The following GRK5 variants were observed in gnomAD, a reference collection of about 807,000 sequenced individuals.
GRK5 encodes g protein-coupled receptor kinase GRK5.
A neutral mutation model predicts 78.4 loss-of-function variants in GRK5; 40 were observed. The observed-to-expected ratio is 0.51, with a 90% CI of 0.40 to 0.66. GRK5 has a LOEUF of 0.66. Ranked by LOEUF, GRK5 falls within the 30% of genes least tolerant of loss-of-function variation. GRK5 has a pLI of 0.00. For synonymous variants in GRK5, 289 were observed against 296.8 expected (o/e 0.97, Z 0.27); for missense variants, 598 against 759.9 (o/e 0.79, Z 2.50).
At chr10:119,423,306 C>T in intron 5 of GRK5, 40 bp downstream of exon 5, 1 of 1,422,152 alleles carries the variant, frequency 7.0e-7, no homozygotes. Context: ...CCCCGGGCTG[C>T]CCAGAGATGG....
rs117002011 is a variant in GRK5 at position 119,351,607 on chromosome 10, C to T, written c.148+24996C>T. Among the ~76,000 whole-genome samples, 1,156 of 152,216 alleles carry T rather than the reference C, an allele frequency of 7.6e-3. 11 individuals are homozygous for T. The highest frequency in any genetic ancestry group is 0.012 in the Non-Finnish European group (806 of 68,022). ...TTTTTCCTTATAAATTACCCAGTCT[C>T]GGGTATGTCTTTATCAAGCAGAGTG... On this transcript the variant is annotated intron_variant, in intron 2 of 15. Coordinates refer to ENST00000392870, the MANE Select transcript of GRK5 (RefSeq NM_005308.3).
intron 4 of GRK5, among the ~76,000 whole-genome samples, chr10:119,411,920 G>A (rs998995286): frequency 3.5e-5 from 5 of 143,238 alleles, no homozygotes; most frequent in South Asian, 2.3e-4. Flanking sequence ...GTGCGATCTC[G>A]GCTCACAGCA....
intron 2 of GRK5, among the ~76,000 whole-genome samples, chr10:119,354,263 C>T (rs1851230198): frequency 1.3e-5 from 2 of 151,906 alleles, no homozygotes; most frequent in South Asian, 4.1e-4. Context: ...GTTAAGAGTA[C>T]CTAAAATCTA....
At chr10:119,281,570 C>G (rs1849762944) in intron 1 of GRK5, among the ~76,000 whole-genome samples, 1 of 152,190 alleles carries the variant, frequency 6.6e-6, no homozygotes, top group African/African-American at 2.4e-5. Flanking sequence ...TGTAATCAGC[C>G]TCTCCTGTGG....
chr10:119,221,429 G>A (rs1234765320), intron 1 of GRK5, among the ~76,000 whole-genome samples: 1 of 152,164 alleles, frequency 6.6e-6, no homozygotes, highest in East Asian at 1.9e-4. Flanking sequence ...ATGGATGGGT[G>A]TCAGGAAAAA....
intron 1 of GRK5, among the ~76,000 whole-genome samples, chr10:119,300,973 G>T (rs1365406624): frequency 6.6e-6 from 1 of 152,018 alleles, no homozygotes; most frequent in Non-Finnish European, 1.5e-5. Flanking sequence ...GCATGATGGC[G>T]GGCGCCTGTA....
At chr10:119,411,825 T>TCATTGCAG (rs1478407695) in intron 4 of GRK5, among the ~76,000 whole-genome samples, 1 of 146,604 alleles carries the variant, frequency 6.8e-6, no homozygotes, top group Non-Finnish European at 1.5e-5. Flanking sequence ...CTCCTCAGCT[T>TCATTGCAG]CATTGCAGAT....
In GRK5 at chr10:119,238,066, C is replaced by T. The variant is rs1359069940; in HGVS notation, c.52+30097C>T. On this transcript the variant is annotated intron_variant, in intron 1 of 15. Transcript: ENST00000392870. The surrounding 1 kb of genome is among the most constrained non-coding windows in gnomAD (Gnocchi z 4.7). ...GGCTTGAGGGTGAGGGGGTGCTGAT[C>T]TAGGGAGGAAGGAGGTTGCTTTCTG... Among the ~76,000 whole-genome samples the T allele has an allele frequency of 6.6e-6, 1 of 152,114 alleles. No individual in the cohort carries two copies. Among genetic ancestry groups the T allele is most frequent in the African/African-American group, 2.4e-5 (1 of 41,436 alleles).
At chr10:119,360,741 TTCCTCCC>T (rs995189006) in intron 2 of GRK5, among the ~76,000 whole-genome samples, 16 of 152,178 alleles carry the variant, frequency 1.1e-4, no homozygotes, top group Non-Finnish European at 1.8e-4. Flanking sequence ...GTCCGTCCTC[TTCCTCCC>T]TCCTCCCTCC....
chr10:119,210,317 A>G (rs1848466918), intron 1 of GRK5, among the ~76,000 whole-genome samples: 1 of 152,134 alleles, frequency 6.6e-6, no homozygotes, highest in African/African-American at 2.4e-5. Flanking sequence ...CTCATTTACA[A>G]TTTGCATCTC....
Position 119,253,230 on chromosome 10 carries a change from G to GGT in GRK5, c.52+45261_52+45262insGT, listed in dbSNP as rs1487328467. Reference sequence around the variant, plus strand: ...CTGAGGGTCTGTTGAGATTACAGAGGCCCTTGATAGAGTCCGAAATTTGAA... The same window carrying GGT: ...CTGAGGGTCTGTTGAGATTACAGAGGGTCCCTTGATAGAGTCCGAAATTTGAA... On this transcript the variant is annotated intron_variant, in intron 1 of 15. Transcript: ENST00000392870. This position sits in a 1 kb window ranked among gnomAD's most constrained non-coding sequence, Gnocchi z 5.7. 1.3e-5 allele frequency among the ~76,000 whole-genome samples: 2 copies of GGT among 152,166 alleles called. No individual in the cohort carries two copies. The highest frequency in any genetic ancestry group is 2.9e-5 in the Non-Finnish European group (2 of 68,032).
intron 1 of GRK5, among the ~76,000 whole-genome samples, chr10:119,246,093 T>C (rs891785969): frequency 6.6e-6 from 1 of 151,902 alleles, no homozygotes; most frequent in Admixed American, 6.6e-5. Context: ...GTTGTGTTTT[T>C]TAAAATCACA....
intron 1 of GRK5, among the ~76,000 whole-genome samples, chr10:119,315,827 T>C (rs1346132502): frequency 2.0e-5 from 3 of 152,226 alleles, no homozygotes; most frequent in Non-Finnish European, 2.9e-5. Flanking sequence ...CCTCCCAGAC[T>C]GATTCAGTTG....
intron 1 of GRK5, among the ~76,000 whole-genome samples, chr10:119,293,804 C>T (rs930427750): frequency 1.6e-4 from 25 of 152,194 alleles, no homozygotes; most frequent in Admixed American, 5.9e-4. Flanking sequence ...GGGTGGTACC[C>T]GAGTCTGGAG....
chr10:119,330,076 T>A (rs1850743628), intron 2 of GRK5, among the ~76,000 whole-genome samples: 1 of 152,044 alleles, frequency 6.6e-6, no homozygotes, highest in South Asian at 2.1e-4. Context: ...TTGGCCAGGC[T>A]GGTTTCAAAC....
rs116829531 is a variant in GRK5 at position 119,417,706 on chromosome 10, C to T, written c.340-5460C>T. Among the ~76,000 whole-genome samples the T allele has an allele frequency of 4.2e-3, 637 of 152,158 alleles. 3 individuals carry two copies. Among genetic ancestry groups the T allele is most frequent in the African/African-American group, 0.015 (618 of 41,478 alleles). Reference sequence around the variant, plus strand: ...GAGAGGCGACCTACGCGGCATGATACGGTTTAGGGTCACAGCAGCAGAGGA... The same window carrying T: ...GAGAGGCGACCTACGCGGCATGATATGGTTTAGGGTCACAGCAGCAGAGGA... On this transcript the variant is annotated intron_variant, in intron 4 of 15. Coordinates refer to ENST00000392870, the MANE Select transcript of GRK5 (RefSeq NM_005308.3).
intron 1 of GRK5, among the ~76,000 whole-genome samples, chr10:119,245,618 G>A (rs756639358): frequency 3.9e-5 from 6 of 152,176 alleles, no homozygotes; most frequent in Non-Finnish European, 8.8e-5. Flanking sequence ...GAGGGAAATG[G>A]AGAATTGTTG....
intron 1 of GRK5, among the ~76,000 whole-genome samples, chr10:119,263,232 C>G (rs1849440478): frequency 6.6e-6 from 1 of 152,124 alleles, no homozygotes; most frequent in African/African-American, 2.4e-5. Flanking sequence ...GTCTCGAACT[C>G]CTGACTTCAA....
At chr10:119,353,932 C>CTTTTTTTTTTTTTT (rs761463283) in intron 2 of GRK5, among the ~76,000 whole-genome samples, 16 of 108,664 alleles carry the variant, frequency 1.5e-4, no homozygotes, top group Non-Finnish European at 1.8e-4. Flanking sequence ...TTTTTTCTTT[C>CTTTTTTTTTTTTTT]TTTTTTTTTT....
Sources: gnomAD v4.1 joint callset for allele counts (sites outside exome capture counted in the v4.1 genomes callset) on GRCh38, gnomAD v4.1.1 for gene constraint, Gnocchi (gnomAD v3.1) non-coding constraint, MANE v1.5 for transcripts, NCBI Gene and HGNC (gene_info 2026-07-23, HGNC 2026-07-21) for gene names.